GALNT18: variants seen among roughly 807,000 people sequenced by gnomAD.
GALNT18 encodes GalNAc-transferase 18.
GALNT18 carries 44 observed loss-of-function variants against 69.5 expected under a neutral mutation model. That is an observed-to-expected ratio of 0.63 (90% CI 0.50 to 0.81). The LOEUF (loss-of-function observed/expected upper bound fraction) is 0.81, where lower values mean the gene tolerates loss of function less well. Ranked by LOEUF, GALNT18 falls within the 40% of genes least tolerant of loss-of-function variation. The pLI is 0.00. For synonymous variants in GALNT18, 364 were observed against 318.2 expected (o/e 1.14, Z -1.53); for missense variants, 715 against 810.0 (o/e 0.88, Z 1.42).
intron 1 of GALNT18, among the ~76,000 whole-genome samples, chr11:11,467,256 A>G (rs1856173530): frequency 1.3e-5 from 2 of 152,194 alleles, no homozygotes; most frequent in African/African-American, 2.4e-5. Flanking sequence ...TCATAGCTCT[A>G]TAGCAACTAC....
intron 1 of GALNT18, among the ~76,000 whole-genome samples, chr11:11,608,437 G>T (rs1341398175): frequency 6.6e-6 from 1 of 151,872 alleles, no homozygotes; most frequent in Non-Finnish European, 1.5e-5. Flanking sequence ...TCGGCTCACT[G>T]CAACCTCCGC....
At chr11:11,512,951 T>A (rs1235246115) in intron 1 of GALNT18, among the ~76,000 whole-genome samples, 1 of 152,206 alleles carries the variant, frequency 6.6e-6, no homozygotes, top group East Asian at 1.9e-4. Flanking sequence ...TGCGTGTGCA[T>A]CTGTGTACTT....
intron 8 of GALNT18, among the ~76,000 whole-genome samples, chr11:11,327,394 C>T (rs1203452879): frequency 6.6e-6 from 1 of 152,218 alleles, no homozygotes; most frequent in East Asian, 1.9e-4. Flanking sequence ...GAAACACTTA[C>T]ATGTCATTAA....
rs1297426321 is a variant in GALNT18 at position 11,614,349 on chromosome 11, GAGA to G, written c.235+7007_235+7009del. On this transcript the variant is annotated intron_variant, in intron 1 of 10. Coordinates refer to ENST00000227756, the MANE Select transcript of GALNT18 (RefSeq NM_198516.3). This position sits in a 1 kb window ranked among gnomAD's most constrained non-coding sequence, Gnocchi z 5.6. The stretch of plus-strand genomic sequence containing the variant: ...TGAGAGAGAGAGGCAAGAGAGTGAG[GAGA>G]AGAAGAAGAAGAGGAGGAGGAGGAG... 2.1e-4 allele frequency among the ~76,000 whole-genome samples: 27 copies of G among 125,770 alleles called. No individual in the cohort carries two copies. Among genetic ancestry groups the G allele is most frequent in the Admixed American group, 1.5e-3 (18 of 11,696 alleles). The allele number at this position is 125,770 out of a possible 152,430, so 82.5% of individuals were successfully genotyped here.
intron 1 of GALNT18, among the ~76,000 whole-genome samples, chr11:11,502,650 C>T (rs773768088): frequency 6.6e-6 from 1 of 152,224 alleles, no homozygotes; most frequent in Non-Finnish European, 1.5e-5. Flanking sequence ...ATTGAGGCCT[C>T]TTCCTCTGAT....
chr11:11,312,376 C>A (rs1210077120), intron 9 of GALNT18, among the ~76,000 whole-genome samples: 1 of 152,090 alleles, frequency 6.6e-6, no homozygotes, highest in Non-Finnish European at 1.5e-5. Context: ...TGAATTCTTA[C>A]AATAAAGTAA....
At chr11:11,539,291 C>G (rs887199299) in intron 1 of GALNT18, among the ~76,000 whole-genome samples, 1 of 152,192 alleles carries the variant, frequency 6.6e-6, no homozygotes, top group African/African-American at 2.4e-5. Context: ...CTGCCTCCCC[C>G]ACAGTCTTCC....
intron 1 of GALNT18, among the ~76,000 whole-genome samples, chr11:11,576,264 G>A (rs773064789): frequency 3.9e-5 from 6 of 152,328 alleles, no homozygotes; most frequent in Admixed American, 1.3e-4. Flanking sequence ...GACCCTCATC[G>A]CTGCTCACCA....
At chr11:11,537,691 C>A (rs375111771) in intron 1 of GALNT18, among the ~76,000 whole-genome samples, 1 of 152,300 alleles carries the variant, frequency 6.6e-6, no homozygotes, top group East Asian at 1.9e-4. Flanking sequence ...ACAGAACCAT[C>A]TCAGGATTTT....
intron 1 of GALNT18, among the ~76,000 whole-genome samples, chr11:11,509,211 A>T (rs1197784225): frequency 6.6e-6 from 1 of 152,154 alleles, no homozygotes; most frequent in Non-Finnish European, 1.5e-5. Flanking sequence ...TGTGACAATT[A>T]GGGCCCTTGG....
At chr11:11,484,200 G>A (rs1035983321) in intron 1 of GALNT18, among the ~76,000 whole-genome samples, 4 of 152,138 alleles carry the variant, frequency 2.6e-5, no homozygotes, top group Non-Finnish European at 4.4e-5. Context: ...CTGCTCATCC[G>A]AACCTGTTTG....
intron 3 of GALNT18, among the ~76,000 whole-genome samples, chr11:11,385,399 C>G (rs1343389414): frequency 1.3e-5 from 2 of 151,900 alleles, no homozygotes; most frequent in African/African-American, 4.8e-5. Context: ...GGGTTCATGC[C>G]ATTCTCCTGC....
chr11:11,616,817 G>A lies in GALNT18; in HGVS notation c.235+4542C>T, dbSNP rs75138504. Among the ~76,000 whole-genome samples, 973 of 152,214 alleles carry A rather than the reference G, an allele frequency of 6.4e-3. 22 individuals carry two copies. The East Asian group carries it at 0.087, about 14-fold the overall frequency. The stretch of plus-strand genomic sequence containing the variant: ...CACTGTAACGGCATAACCTAATCAC[G>A]TATTATATAAACCAATGAAATATGA... On this transcript the variant is annotated intron_variant, in intron 1 of 10. Transcript: ENST00000227756. This position sits in a 1 kb window ranked among gnomAD's most constrained non-coding sequence, Gnocchi z 4.4.
chr11:11,370,588 GAA>G (rs67012287), intron 6 of GALNT18, among the ~76,000 whole-genome samples: 48 of 145,746 alleles, frequency 3.3e-4, no homozygotes, highest in Middle Eastern at 7.1e-3. Context: ...AGAGATGGAG[GAA>G]AAAAAAAAAA....
chr11:11,574,273 T>C (rs148298450), intron 1 of GALNT18, among the ~76,000 whole-genome samples: 3 of 152,258 alleles, frequency 2.0e-5, no homozygotes, highest in South Asian at 2.1e-4. Flanking sequence ...CTGGAGAAAG[T>C]AGATGGCTTC....
chr11:11,530,877 G>A (rs145396691), intron 1 of GALNT18, among the ~76,000 whole-genome samples: 16 of 152,336 alleles, frequency 1.1e-4, no homozygotes, highest in African/African-American at 3.8e-4. Flanking sequence ...GAGACTAGCA[G>A]GATTGGAAAA....
intron 1 of GALNT18, among the ~76,000 whole-genome samples, chr11:11,532,294 C>A (rs75110815): frequency 6.6e-6 from 1 of 152,164 alleles, no homozygotes. Flanking sequence ...ATTTTACAAC[C>A]ATTTCTCCAT....
Position 11,494,256 on chromosome 11 carries a change from C to A in GALNT18, c.236-45320G>T, listed in dbSNP as rs1856827870. On this transcript the variant is annotated intron_variant, in intron 1 of 10. Coordinates refer to ENST00000227756, the MANE Select transcript of GALNT18 (RefSeq NM_198516.3). This position sits in a 1 kb window ranked among gnomAD's most constrained non-coding sequence, Gnocchi z 5.7. ...TCAAGTCTCCAGCAGAAAACAAGCA[C>A]TGCCAAGCAGCAGCATAAACAAGCC... 6.6e-6 allele frequency among the ~76,000 whole-genome samples: 1 copy of A among 152,188 alleles called. No individual in the cohort carries two copies. The highest frequency in any genetic ancestry group is 2.4e-5 in the African/African-American group (1 of 41,438).
chr11:11,383,816 C>CCTCTCTCT lies in GALNT18; in HGVS notation c.596-4560_596-4553dup, dbSNP rs145122557. Among the ~76,000 whole-genome samples, 233 of 147,806 alleles carry CCTCTCTCT rather than the reference C, an allele frequency of 1.6e-3. 2 individuals are homozygous for CCTCTCTCT. Among genetic ancestry groups the CCTCTCTCT allele is most frequent in the African/African-American group, 5.1e-3 (203 of 40,044 alleles). ...ATCTGATGGTTTAAGTGTGGCACTT[C>CCTCTCTCT]CTCTCTCTCTCTCTCTCTCTCTCTG... On this transcript the variant is annotated intron_variant, in intron 3 of 10. Transcript: ENST00000227756. The surrounding 1 kb of genome is among the most constrained non-coding windows in gnomAD (Gnocchi z 5.2).
Sources: gnomAD v4.1 joint callset for allele counts (sites outside exome capture counted in the v4.1 genomes callset) on GRCh38, gnomAD v4.1.1 for gene constraint, Gnocchi (gnomAD v3.1) non-coding constraint, MANE v1.5 for transcripts, NCBI Gene and HGNC (gene_info 2026-07-23, HGNC 2026-07-21) for gene names.